Variants in ASTN2 observed in about 807,000 individuals in gnomAD.
ASTN2 encodes astrotactin 2.
ASTN2 carries 54 observed loss-of-function variants against 139.8 expected under a neutral mutation model. The observed-to-expected ratio is 0.39, with a 90% CI of 0.31 to 0.48. ASTN2 has a LOEUF of 0.48. Ranked by LOEUF, ASTN2 falls within the 20% of genes least tolerant of loss-of-function variation. The probability of loss-of-function intolerance (pLI) is 0.95; values close to 1 mark genes in which losing one functional copy is unlikely to be tolerated. For synonymous variants in ASTN2, 756 were observed against 719.5 expected (o/e 1.05, Z -0.81); for missense variants, 1,565 against 1,725.1 (o/e 0.91, Z 1.64).
chr9:116,796,427 G>A (rs1297257362), intron 13 of ASTN2, among the ~76,000 whole-genome samples: 2 of 152,186 alleles, frequency 1.3e-5, no homozygotes, highest in Non-Finnish European at 2.9e-5. Context: ...CAGGTGAATA[G>A]GAAAAGCTTC....
At chr9:116,492,818 T>C (rs1159771492) in intron 19 of ASTN2, among the ~76,000 whole-genome samples, 1 of 152,176 alleles carries the variant, frequency 6.6e-6, no homozygotes, top group Non-Finnish European at 1.5e-5. Flanking sequence ...AGGAGTTTAG[T>C]ACATTTCTAA....
At chr9:117,253,646 T>C (rs911995248) in intron 2 of ASTN2, among the ~76,000 whole-genome samples, 9 of 152,132 alleles carry the variant, frequency 5.9e-5, no homozygotes, top group African/African-American at 2.2e-4. Context: ...GATTACCTGC[T>C]CCATTTAAGA....
At chr9:116,558,542 G>C (rs1368521463) in intron 19 of ASTN2, among the ~76,000 whole-genome samples, 1 of 152,182 alleles carries the variant, frequency 6.6e-6, no homozygotes, top group Admixed American at 6.5e-5. Flanking sequence ...CACAGCCACA[G>C]GCCAATGACT....
intron 10 of ASTN2, among the ~76,000 whole-genome samples, chr9:116,931,769 A>T (rs896149851): frequency 2.6e-5 from 4 of 152,160 alleles, no homozygotes; most frequent in African/African-American, 9.7e-5. Context: ...TACAAATATC[A>T]CATCTCTTGT....
intron 7 of ASTN2, among the ~76,000 whole-genome samples, chr9:116,980,823 A>C (rs548399408): frequency 6.6e-6 from 1 of 152,272 alleles, no homozygotes; most frequent in South Asian, 2.1e-4. Flanking sequence ...ACAGATGAAA[A>C]GCCTCTGACA....
At chr9:117,310,282 T>C (rs954379039) in intron 1 of ASTN2, among the ~76,000 whole-genome samples, 5 of 152,176 alleles carry the variant, frequency 3.3e-5, no homozygotes, top group Admixed American at 6.5e-5. Context: ...AGGCTTACTT[T>C]CTCTCTCGCA....
chr9:117,217,388 T>C (rs961950240), intron 2 of ASTN2, among the ~76,000 whole-genome samples: 2 of 152,132 alleles, frequency 1.3e-5, no homozygotes, highest in South Asian at 2.1e-4. Flanking sequence ...CCGATTATGG[T>C]TGTGGGACTC....
At chr9:117,271,425 G>A (rs1277740366) in intron 2 of ASTN2, among the ~76,000 whole-genome samples, 2 of 152,108 alleles carry the variant, frequency 1.3e-5, no homozygotes, top group African/African-American at 4.8e-5. Flanking sequence ...TGGGAACAAA[G>A]CCAAACCATA....
chr9:117,384,244 C>A (rs1830341791), intron 1 of ASTN2, among the ~76,000 whole-genome samples: 1 of 152,112 alleles, frequency 6.6e-6, no homozygotes, highest in African/African-American at 2.4e-5. Context: ...CAGGTTTTAC[C>A]CAGAACTCAA....
At chr9:116,737,663 G>A (rs1034342789) in intron 13 of ASTN2, among the ~76,000 whole-genome samples, 1 of 143,002 alleles carries the variant, frequency 7.0e-6, no homozygotes, top group African/African-American at 2.5e-5. Flanking sequence ...AAAGCTGCTA[G>A]GTAACTAACC....
chr9:117,334,535 A>G (rs1464947123), intron 1 of ASTN2, among the ~76,000 whole-genome samples: 3 of 150,436 alleles, frequency 2.0e-5, no homozygotes, highest in Non-Finnish European at 4.4e-5. Flanking sequence ...AAAGCCAGGC[A>G]TACTCCTTGC....
At chr9:117,375,675 A>G (rs1830103379) in intron 1 of ASTN2, among the ~76,000 whole-genome samples, 1 of 152,200 alleles carries the variant, frequency 6.6e-6, no homozygotes, top group South Asian at 2.1e-4. Context: ...TACAGACTTT[A>G]AGCCCACCAC....
chr9:116,668,017 G>A (rs1168310753), intron 16 of ASTN2, among the ~76,000 whole-genome samples: 4 of 152,050 alleles, frequency 2.6e-5, no homozygotes, highest in African/African-American at 7.3e-5. Context: ...TACCACTGTA[G>A]TACCATGCAG....
At chr9:116,880,298 C>G (rs1248647434) in intron 10 of ASTN2, among the ~76,000 whole-genome samples, 1 of 152,052 alleles carries the variant, frequency 6.6e-6, no homozygotes, top group Non-Finnish European at 1.5e-5. Flanking sequence ...AGCATAGACC[C>G]CAGATTAAGA....
chr9:116,660,670 GA>G (rs1858507245), intron 16 of ASTN2, among the ~76,000 whole-genome samples: 1 of 152,050 alleles, frequency 6.6e-6, no homozygotes, highest in Non-Finnish European at 1.5e-5. Flanking sequence ...AAACCTGCCT[GA>G]TGCTTTAACT....
chr9:116,994,681 T>A (rs1412286855), intron 7 of ASTN2, among the ~76,000 whole-genome samples: 5 of 152,222 alleles, frequency 3.3e-5, no homozygotes, highest in African/African-American at 1.2e-4. Flanking sequence ...AAATGGCCAA[T>A]AATGGCTAAC....
At chr9:116,686,783 C>A in intron 16 of ASTN2, 6 of 1,550,652 alleles carry the variant, frequency 3.9e-6, no homozygotes, top group African/African-American at 1.4e-5. Context: ...GCAAAACATT[C>A]CTTTACAGAG....
intron 2 of ASTN2, among the ~76,000 whole-genome samples, chr9:117,249,680 C>A (rs78402490): frequency 0.026 from 3,784 of 146,154 alleles, 164 homozygotes; most frequent in African/African-American, 0.088. Context: ...GACATGAAAA[C>A]CACTGACATT....
At chr9:117,129,632 TAATAGGA>T in intron 4 of ASTN2, among the ~76,000 whole-genome samples, 1 of 152,180 alleles carries the variant, frequency 6.6e-6, no homozygotes. Flanking sequence ...CTACTTGGTC[TAATAGGA>T]AGATTTTTGT....
Sources: gnomAD v4.1 joint callset for allele counts (sites outside exome capture counted in the v4.1 genomes callset) on GRCh38, gnomAD v4.1.1 for gene constraint, MANE v1.5 for transcripts, NCBI Gene and HGNC (gene_info 2026-07-23, HGNC 2026-07-21) for gene names.